Variants in NR6A1 observed in about 807,000 individuals in gnomAD.
NR6A1 encodes nuclear receptor subfamily 6 group A member 1.
In NR6A1, 7 loss-of-function variants were observed where a neutral mutation model predicts 59.1. The observed-to-expected ratio is 0.12, with a 90% CI of 0.07 to 0.22. NR6A1 has a LOEUF of 0.22. Ranked by LOEUF, NR6A1 falls within the 10% of genes least tolerant of loss-of-function variation. NR6A1 has a pLI of 1.00. For synonymous variants in NR6A1, 243 were observed against 236.1 expected (o/e 1.03, Z -0.27); for missense variants, 468 against 611.6 (o/e 0.77, Z 2.48).
At chr9:124,565,223 T>C (rs578046275) in intron 2 of NR6A1, among the ~76,000 whole-genome samples, 1 of 152,126 alleles carries the variant, frequency 6.6e-6, no homozygotes, top group Admixed American at 6.5e-5. Flanking sequence ...GGTCAGAAGA[T>C]CAAGACCATC....
chr9:124,615,679 G>A (rs1187744864), intron 2 of NR6A1, among the ~76,000 whole-genome samples: 2 of 151,616 alleles, frequency 1.3e-5, no homozygotes, highest in African/African-American at 4.9e-5. Context: ...TGAGTCACAA[G>A]GCTTTTGTCA....
intron 1 of NR6A1, among the ~76,000 whole-genome samples, chr9:124,762,095 T>C (rs1208085648): frequency 3.3e-5 from 5 of 152,220 alleles, no homozygotes; most frequent in East Asian, 1.9e-4. Context: ...CCATCTTCTT[T>C]ACACATTTCG....
At position 124,526,774 on chromosome 9, in the gene NR6A1, C is replaced by G; in HGVS notation, c.1201+5G>C. 1 of 1,613,142 alleles carries G rather than the reference C, an allele frequency of 6.2e-7. No homozygotes were observed. Among genetic ancestry groups the G allele is most frequent in the Non-Finnish European group, 8.5e-7 (1 of 1,179,290 alleles). The stretch of plus-strand genomic sequence containing the variant: ...AACGTCCCTTTTCCCACCCCAGCCA[C>G]TCACCTTGATTTAGGAAGTTAATTG... On this transcript the variant is annotated splice_donor_5th_base_variant and intron_variant, in intron 8 of 9. Coordinates refer to ENST00000487099, the MANE Select transcript of NR6A1 (RefSeq NM_033334.4).
intron 2 of NR6A1, among the ~76,000 whole-genome samples, chr9:124,714,205 A>C (rs1252214453): frequency 1.3e-5 from 2 of 152,210 alleles, no homozygotes; most frequent in African/African-American, 4.8e-5. Flanking sequence ...TCATAGAGAC[A>C]AAAAGTAGAA....
intron 2 of NR6A1, among the ~76,000 whole-genome samples, chr9:124,595,519 C>T (rs1049119289): frequency 2.0e-5 from 3 of 152,122 alleles, no homozygotes; most frequent in African/African-American, 7.2e-5. Flanking sequence ...CTTTCTTCTG[C>T]TCTTCATCAA....
rs556611912 is a variant in NR6A1 at position 124,650,241 on chromosome 9, C to T, written c.142+83067G>A. On this transcript the variant is annotated intron_variant, in intron 2 of 9. Transcript: ENST00000487099. ...CGGATAAATAAAATGTGCATAAGTA[C>T]ACAATGGAGTATTATTCAGCCATAA... Among the ~76,000 whole-genome samples, 7 of 152,226 alleles carry T rather than the reference C, an allele frequency of 4.6e-5. No homozygotes were observed. The South Asian group carries it at 1.2e-3, about 27-fold the overall frequency.
chr9:124,711,422 C>T (rs1839276241), intron 2 of NR6A1, among the ~76,000 whole-genome samples: 1 of 151,476 alleles, frequency 6.6e-6, no homozygotes, highest in South Asian at 2.1e-4. Context: ...ATCTGTTCTC[C>T]TATTTCCATT....
At chr9:124,750,549 A>T (rs1411475486) in intron 1 of NR6A1, among the ~76,000 whole-genome samples, 1 of 152,162 alleles carries the variant, frequency 6.6e-6, no homozygotes, top group Non-Finnish European at 1.5e-5. Context: ...TCACGAGGTC[A>T]GGAGAACGAG....
chr9:124,757,012 G>A (rs913524912), intron 1 of NR6A1, among the ~76,000 whole-genome samples: 1 of 152,002 alleles, frequency 6.6e-6, no homozygotes, highest in African/African-American at 2.4e-5. Flanking sequence ...GGCGGGTAGG[G>A]GGGGAATGAC....
intron 2 of NR6A1, among the ~76,000 whole-genome samples, chr9:124,728,317 C>G (rs1255154603): frequency 6.6e-6 from 1 of 151,870 alleles, no homozygotes; most frequent in Non-Finnish European, 1.5e-5. Flanking sequence ...GCATGAGCCA[C>G]CGCGCCCAGC....
intron 2 of NR6A1, among the ~76,000 whole-genome samples, chr9:124,605,477 A>C (rs543091020): frequency 6.6e-6 from 1 of 152,138 alleles, no homozygotes; most frequent in Admixed American, 6.6e-5. Context: ...CATTCCAGCC[A>C]CTCCAGCTTG....
chr9:124,575,497 C>G (rs1001965355), intron 2 of NR6A1, among the ~76,000 whole-genome samples: 1 of 152,010 alleles, frequency 6.6e-6, no homozygotes, highest in Non-Finnish European at 1.5e-5. Context: ...TCGTTTGAAC[C>G]CAGGAGGCAG....
intron 6 of NR6A1, among the ~76,000 whole-genome samples, chr9:124,536,508 A>G (rs775296677): frequency 5.2e-4 from 79 of 152,004 alleles, no homozygotes; most frequent in Admixed American, 1.0e-3. Context: ...AAAATACAAA[A>G]ATTAGCCGGG....
intron 2 of NR6A1, among the ~76,000 whole-genome samples, chr9:124,576,453 A>G (rs1013293719): frequency 2.0e-5 from 3 of 152,112 alleles, no homozygotes; most frequent in South Asian, 2.1e-4. Context: ...ACGCCCAGCT[A>G]ATTTTTTGTA....
At chr9:124,654,332 TG>T (rs1022777148) in intron 2 of NR6A1, among the ~76,000 whole-genome samples, 14 of 152,260 alleles carry the variant, frequency 9.2e-5, no homozygotes, top group Admixed American at 8.5e-4. Flanking sequence ...TCCTACTATT[TG>T]GGGGGAAAAA....
chr9:124,719,790 C>G (rs974631570), intron 2 of NR6A1, among the ~76,000 whole-genome samples: 2 of 152,062 alleles, frequency 1.3e-5, no homozygotes, highest in Admixed American at 1.3e-4. Flanking sequence ...CGCGGTAATG[C>G]GCGCCTATAG....
intron 2 of NR6A1, among the ~76,000 whole-genome samples, chr9:124,618,498 T>A (rs1051643224): frequency 6.6e-6 from 1 of 151,472 alleles, no homozygotes; most frequent in African/African-American, 2.4e-5. Flanking sequence ...ATAAAAAAAA[T>A]AGAATAAAGG....
chr9:124,744,580 A>C (rs28624759), intron 1 of NR6A1, among the ~76,000 whole-genome samples: 2,530 of 152,328 alleles, frequency 0.017, 69 homozygotes, highest in African/African-American at 0.057. Flanking sequence ...CTCAAAGAGC[A>C]ACCCTGATGC....
At chr9:124,644,248 G>A (rs1206852153) in intron 2 of NR6A1, among the ~76,000 whole-genome samples, 6 of 143,660 alleles carry the variant, frequency 4.2e-5, no homozygotes, top group Non-Finnish European at 6.0e-5. Flanking sequence ...GGTGTATACT[G>A]ATCCTCTTGA....
Sources: gnomAD v4.1 joint callset for allele counts (sites outside exome capture counted in the v4.1 genomes callset) on GRCh38, gnomAD v4.1.1 for gene constraint, MANE v1.5 for transcripts, NCBI Gene and HGNC (gene_info 2026-07-23, HGNC 2026-07-21) for gene names.